GNE: variants seen among roughly 807,000 people sequenced by gnomAD.
GNE encodes glucosamine (UDP-N-acetyl)-2-epimerase/N-acetylmannosamine kinase, also known as bifunctional UDP-N-acetylglucosamine 2-epimerase/N-acetylmannosamine kinase.
GNE carries 41 observed loss-of-function variants against 61.8 expected under a neutral mutation model. That is an observed-to-expected ratio of 0.66 (90% CI 0.52 to 0.86). GNE has a LOEUF of 0.86. Among genes scored for constraint, GNE ranks in the 40% least tolerant of loss-of-function variants. GNE has a pLI of 0.00. For missense variants in GNE, 608 were observed against 909.1 expected (o/e 0.67, Z 4.26); for synonymous variants, 264 against 326.4 (o/e 0.81, Z 2.06).
intron 3 of GNE, among the ~76,000 whole-genome samples, chr9:36,237,426 G>A (rs1829437031): frequency 6.6e-6 from 1 of 152,160 alleles, no homozygotes; most frequent in African/African-American, 2.4e-5. Flanking sequence ...GAGCTTTCCT[G>A]TACTATCACC....
At chr9:36,238,079 CACACAT>C (rs1336905264) in intron 3 of GNE, among the ~76,000 whole-genome samples, 2 of 151,596 alleles carry the variant, frequency 1.3e-5, no homozygotes, top group African/African-American at 4.9e-5. Context: ...GATACACACA[CACACAT>C]AGATATATAG....
At chr9:36,271,165 C>G (rs567236151) in intron 1 of GNE, among the ~76,000 whole-genome samples, 1 of 152,250 alleles carries the variant, frequency 6.6e-6, no homozygotes, top group South Asian at 2.1e-4. Flanking sequence ...CAACATTATT[C>G]CCCTCCCGGA....
rs1161438071 is a variant in GNE, at chr9:36,221,488, AAAAAT to A, written c.1633+1284_1633+1288del. On this transcript the variant is annotated intron_variant, in intron 9 of 11. Transcript: ENST00000642385. ...GTTATACACTTAAAATATATACAAC[AAAAAT>A]AAAATAGAGTAAAAAAACAAAAGTA... 3.3e-5 allele frequency among the ~76,000 whole-genome samples: 5 copies of A among 152,292 alleles called. No homozygotes were observed. The East Asian group carries it at 9.7e-4, about 29-fold the overall frequency.
intron 5 of GNE, among the ~76,000 whole-genome samples, chr9:36,233,524 G>A (rs914523591): frequency 3.8e-4 from 58 of 152,098 alleles, no homozygotes; most frequent in Admixed American, 3.7e-3. Context: ...AAAATTAGCC[G>A]GGCTTGGTGG....
chr9:36,230,082 G>A (rs145102690), intron 5 of GNE, among the ~76,000 whole-genome samples: 3,094 of 152,212 alleles, frequency 0.02, 62 homozygotes, highest in Non-Finnish European at 0.03. Context: ...GAGTAGCTGG[G>A]ATTGCAGGCG....
intron 4 of GNE, among the ~76,000 whole-genome samples, chr9:36,235,294 T>C (rs1486530019): frequency 6.6e-6 from 1 of 152,204 alleles, no homozygotes; most frequent in African/African-American, 2.4e-5. Flanking sequence ...AGCCCCTCTT[T>C]GGCTTAAGGC....
intron 1 of GNE, among the ~76,000 whole-genome samples, chr9:36,252,694 A>C (rs1044427074): frequency 1.8e-4 from 28 of 152,196 alleles, no homozygotes; most frequent in African/African-American, 6.5e-4. Flanking sequence ...AGGTTTTAAA[A>C]AATAATTTTA....
At chr9:36,241,357 T>C (rs1227500714) in intron 3 of GNE, among the ~76,000 whole-genome samples, 2 of 152,196 alleles carry the variant, frequency 1.3e-5, no homozygotes, top group African/African-American at 4.8e-5. Context: ...CCTTGTGATC[T>C]GCCCGCCTCG....
intron 3 of GNE, among the ~76,000 whole-genome samples, chr9:36,244,709 G>A (rs1263877365): frequency 6.6e-6 from 1 of 151,772 alleles, no homozygotes; most frequent in African/African-American, 2.4e-5. Context: ...AGGCCGAGGT[G>A]GGCGGATTAT....
intron 3 of GNE, among the ~76,000 whole-genome samples, chr9:36,245,389 A>C (rs1408351382): frequency 6.6e-6 from 1 of 151,994 alleles, no homozygotes; most frequent in African/African-American, 2.4e-5. Flanking sequence ...GTTTTTAGTA[A>C]AATGGCAGAT....
At chr9:36,224,293 G>C (rs932566026) in intron 7 of GNE, among the ~76,000 whole-genome samples, 4 of 151,880 alleles carry the variant, frequency 2.6e-5, no homozygotes, top group Non-Finnish European at 5.9e-5. Flanking sequence ...AATTAGCCAG[G>C]CATGTTGGCA....
At chr9:36,255,927 G>A (rs1830313753) in intron 1 of GNE, among the ~76,000 whole-genome samples, 1 of 152,072 alleles carries the variant, frequency 6.6e-6, no homozygotes, top group Admixed American at 6.6e-5. Flanking sequence ...CCCAATTCTT[G>A]TTTGTTTTTG....
intron 1 of GNE, among the ~76,000 whole-genome samples, chr9:36,255,892 G>A (rs1335245822): frequency 6.6e-6 from 1 of 152,130 alleles, no homozygotes; most frequent in African/African-American, 2.4e-5. Flanking sequence ...CCTTCATCTT[G>A]AACTCACTGG....
intron 3 of GNE, among the ~76,000 whole-genome samples, chr9:36,241,865 G>A (rs577927024): frequency 7.2e-5 from 11 of 152,248 alleles, no homozygotes; most frequent in African/African-American, 2.6e-4. Flanking sequence ...GCCAGGTGCG[G>A]TAGCTCATGC....
At chr9:36,235,630 G>T (rs1338879475) in intron 4 of GNE, among the ~76,000 whole-genome samples, 3 of 152,044 alleles carry the variant, frequency 2.0e-5, no homozygotes, top group African/African-American at 7.2e-5. Flanking sequence ...TTAAAGGTCA[G>T]AAAAGAATAA....
At chr9:36,235,421 C>CA (rs1430845682) in intron 4 of GNE, among the ~76,000 whole-genome samples, 3 of 152,080 alleles carry the variant, frequency 2.0e-5, no homozygotes, top group Admixed American at 2.0e-4. Context: ...TATAGCTTAT[C>CA]AAAAACCCTG....
At chr9:36,246,850 G>A (rs1407484370) in intron 2 of GNE, among the ~76,000 whole-genome samples, 4 of 151,532 alleles carry the variant, frequency 2.6e-5, no homozygotes, top group African/African-American at 9.7e-5. Context: ...TCTATTTTTA[G>A]TACAGATGGG....
chr9:36,233,899 A>C, intron 5 of GNE, 21 bp downstream of exon 5: 1 of 1,564,558 alleles, frequency 6.4e-7, no homozygotes, highest in East Asian at 2.2e-5. Context: ...AGTCAGTTGA[A>C]GTATGAGCAA....
intron 7 of GNE, among the ~76,000 whole-genome samples, chr9:36,224,224 T>C (rs1828751495): frequency 6.6e-6 from 1 of 151,692 alleles, no homozygotes. Context: ...GGAGAATCGC[T>C]TGGGCCCAGG....
Sources: gnomAD v4.1 joint callset for allele counts (sites outside exome capture counted in the v4.1 genomes callset) on GRCh38, gnomAD v4.1.1 for gene constraint, MANE v1.5 for transcripts, NCBI Gene and HGNC (gene_info 2026-07-23, HGNC 2026-07-21) for gene names.